Variants in TGM4 observed in about 807,000 individuals in gnomAD.
The protein encoded by TGM4 is transglutaminase 4, also known as protein-glutamine gamma-glutamyltransferase 4.
Under a neutral mutation model 76.3 loss-of-function variants are expected in TGM4, and 61 were observed. The observed-to-expected ratio is 0.80, with a 90% CI of 0.65 to 0.99. The LOEUF (loss-of-function observed/expected upper bound fraction) is 0.99, where lower values mean the gene tolerates loss of function less well. Ranked by LOEUF, TGM4 falls within the 50% of genes least tolerant of loss-of-function variation. The pLI is 0.00. For missense variants in TGM4, 794 were observed against 843.2 expected (o/e 0.94, Z 0.72); for synonymous variants, 337 against 329.8 (o/e 1.02, Z -0.24).
Position 44,907,178 on chromosome 3 carries a change from C to T in TGM4, c.1305C>T (p.Thr435=), listed in dbSNP as rs1377718724. Residue 435 remains threonine, a synonymous_variant, in exon 10 of 14, where the codon ACC becomes ACT. Transcript: ENST00000296125. ...AVGQDRRRDI[T]YEYKYPEGSS... is the part of the protein sequence containing the mutation. Reference sequence around the variant, plus strand: ...GCCAAGACAGGCGGAGAGATATCACCTATGAGTACAAGTATCCAGAAGGTG... The same window carrying T: ...GCCAAGACAGGCGGAGAGATATCACTTATGAGTACAAGTATCCAGAAGGTG... 1 of 1,613,978 alleles carries T rather than the reference C, an allele frequency of 6.2e-7. No individual in the cohort carries two copies. Among genetic ancestry groups the T allele is most frequent in the Non-Finnish European group, 8.5e-7 (1 of 1,179,996 alleles).
intron 13 of TGM4, among the ~76,000 whole-genome samples, 156 bp downstream of exon 13, chr3:44,911,562 T>G (rs984251483): frequency 1.3e-5 from 2 of 152,252 alleles, no homozygotes; most frequent in African/African-American, 4.8e-5. Context: ...AAAGATTGCA[T>G]CAATTTATGC....
chr3:44,890,770 G>A, intron 4 of TGM4, 38 bp downstream of exon 4: 1 of 1,610,472 alleles, frequency 6.2e-7, no homozygotes, highest in South Asian at 1.1e-5. Context: ...AATGGCAGGT[G>A]ACCCCGGCAA....
chr3:44,888,002 C>T lies in TGM4; in HGVS notation c.300+207C>T, dbSNP rs867981906. 29 of 569,492 alleles carry T rather than the reference C, an allele frequency of 5.1e-5. No individual in the cohort carries two copies. In the Middle Eastern group the frequency reaches 3.5e-3, roughly 68 times the overall value. The allele number at this position is 569,492 out of a possible 1,614,324, so 35.3% of individuals were successfully genotyped here. A position where few individuals can be genotyped will look rare whatever the true frequency, so the allele number is the denominator to read the frequency against. ...GCACACAGTATCGCTGTGGCCAAAC[C>T]TCCTACATGTCACCCTTCCCCTTTC... is the stretch of plus-strand genomic sequence containing the variant. On this transcript the variant is annotated intron_variant, in intron 3 of 13. Transcript: ENST00000296125.
chr3:44,874,763 CTT>C, intron 1 of TGM4, 66 bp downstream of exon 1: 1 of 1,605,276 alleles, frequency 6.2e-7, no homozygotes, highest in Non-Finnish European at 8.5e-7. Context: ...AAACTGCTCT[CTT>C]GCCTCTGCCG....
At chr3:44,910,046 C>T in intron 10 of TGM4, 44 bp from the exon 11 acceptor site, 1 of 1,588,540 alleles carries the variant, frequency 6.3e-7, no homozygotes, top group Non-Finnish European at 8.6e-7. Flanking sequence ...ACATTTGGTC[C>T]TTGAAGGAGC....
At chr3:44,895,164 A>G (rs1411205088) in intron 5 of TGM4, among the ~76,000 whole-genome samples, 1 of 152,130 alleles carries the variant, frequency 6.6e-6, no homozygotes, top group Non-Finnish European at 1.5e-5. Context: ...GCGTGGTGGC[A>G]CGTGCCTGTA....
intron 10 of TGM4, 61 bp downstream of exon 10, chr3:44,907,261 G>T: frequency 6.7e-7 from 1 of 1,501,312 alleles, no homozygotes; most frequent in East Asian, 2.4e-5. Context: ...CATGAAAATA[G>T]TCAAGATTGG....
At chr3:44,893,515 G>T in intron 4 of TGM4, 62 bp from the exon 5 acceptor site, 1 of 1,448,948 alleles carries the variant, frequency 6.9e-7, no homozygotes, top group Non-Finnish European at 9.7e-7. Context: ...AGTCCCCATT[G>T]GCAAGCCTGC....
rs373971532 is a variant in TGM4 at position 44,911,137 on chromosome 3, C to T, written c.1776+10C>T. 5.6e-6 allele frequency: 9 copies of T among 1,613,250 alleles called. No homozygotes were observed. The highest frequency in any genetic ancestry group is 6.8e-6 in the Non-Finnish European group (8 of 1,179,428). On this transcript the variant is annotated intron_variant, in intron 12 of 13. Coordinates refer to ENST00000296125, the MANE Select transcript of TGM4 (RefSeq NM_003241.4). Reference sequence around the variant, plus strand: ...TGAGTTCTCTATAGAGGTGAGCTTCCTGCAGGCCATAAAGGGCTCCTTCTG... The same window carrying T: ...TGAGTTCTCTATAGAGGTGAGCTTCTTGCAGGCCATAAAGGGCTCCTTCTG...
chr3:44,914,065 G>T lies in TGM4; in HGVS notation c.*340G>T, dbSNP rs1032553344. 21 of 214,084 alleles carry T rather than the reference G, an allele frequency of 9.8e-5. No homozygotes were observed. Among genetic ancestry groups the T allele is most frequent in the Admixed American group, 1.6e-4 (3 of 18,824 alleles). 13.3% of individuals were successfully genotyped at this position (214,084 alleles called of 1,614,324 possible). On this transcript the variant is annotated 3_prime_UTR_variant, in exon 14 of 14. Coordinates refer to ENST00000296125, the MANE Select transcript of TGM4 (RefSeq NM_003241.4). Reference sequence around the variant, plus strand: ...CTCTCCCTGGAGCAGCAGACTATGGGCAGCCCAGTGCTGCCACCTGCTGAC... The same window carrying T: ...CTCTCCCTGGAGCAGCAGACTATGGTCAGCCCAGTGCTGCCACCTGCTGAC...
rs1041342093 is a variant in TGM4, at chr3:44,914,591, C to G, written c.*866C>G. ...TCAATAAGCTTTAAATTAAACTCTACTTCAAGAAAACTCTGTGGTCCCTGA... is the reference window on the plus strand; with the variant it reads ...TCAATAAGCTTTAAATTAAACTCTAGTTCAAGAAAACTCTGTGGTCCCTGA... On this transcript the variant is annotated 3_prime_UTR_variant, in exon 14 of 14. Coordinates refer to ENST00000296125, the MANE Select transcript of TGM4 (RefSeq NM_003241.4). 3.9e-5 allele frequency: 6 copies of G among 152,202 alleles called. No individual in the cohort carries two copies. Among genetic ancestry groups the G allele is most frequent in the Non-Finnish European group, 5.9e-5 (4 of 68,040 alleles). 9.4% of individuals were successfully genotyped at this position (152,202 alleles called of 1,614,324 possible).
At chr3:44,899,638 C>G (rs1239469514) in intron 6 of TGM4, 2 of 152,250 alleles carry the variant, frequency 1.3e-5, no homozygotes, top group Non-Finnish European at 2.9e-5. Context: ...GGCAGGGAAC[C>G]TCGGCGCAGC....
intron 4 of TGM4, among the ~76,000 whole-genome samples, chr3:44,892,880 A>C (rs1340877477): frequency 6.6e-6 from 1 of 151,902 alleles, no homozygotes; most frequent in Non-Finnish European, 1.5e-5. Context: ...CTGATGATTC[A>C]TCATCTTTAG....
chr3:44,893,769 T>A, intron 5 of TGM4, 74 bp downstream of exon 5: 2 of 1,334,188 alleles, frequency 1.5e-6, no homozygotes, highest in Non-Finnish European at 1.1e-6. Flanking sequence ...TAGTAGTCAG[T>A]AAAGGTTCTG....
chr3:44,876,410 G>A (rs1699452358), intron 1 of TGM4: 1 of 152,204 alleles, frequency 6.6e-6, no homozygotes, highest in South Asian at 2.1e-4. Flanking sequence ...GATTTCATTT[G>A]TTCTTCCAAC....
intron 6 of TGM4, among the ~76,000 whole-genome samples, chr3:44,897,917 T>C (rs975109104): frequency 6.6e-6 from 1 of 152,236 alleles, no homozygotes; most frequent in African/African-American, 2.4e-5. Context: ...GAATTTCATA[T>C]CTGCTTCTGC....
intron 13 of TGM4, among the ~76,000 whole-genome samples, chr3:44,912,249 G>C (rs1209726977): frequency 6.6e-6 from 1 of 152,166 alleles, no homozygotes; most frequent in Non-Finnish European, 1.5e-5. Flanking sequence ...TGTCATCCTA[G>C]GTGCATAGAA....
intron 1 of TGM4, among the ~76,000 whole-genome samples, chr3:44,883,040 C>A (rs1474481208): frequency 6.6e-6 from 1 of 152,202 alleles, no homozygotes; most frequent in African/African-American, 2.4e-5. Context: ...ACCTTTACCC[C>A]TTGGGAACCC....
chr3:44,903,765 C>G, intron 8 of TGM4, 119 bp from the exon 9 acceptor site: 1 of 938,602 alleles, frequency 1.1e-6, no homozygotes, highest in South Asian at 1.4e-5. Flanking sequence ...TTCCCAAACC[C>G]CTGAGAACAA....
Sources: allele counts gnomAD v4.1 joint callset (sites outside exome capture counted in the v4.1 genomes callset), GRCh38; gene constraint gnomAD v4.1.1; transcripts MANE v1.5; gene names NCBI Gene and HGNC (gene_info 2026-07-23, HGNC 2026-07-21).